The following CPED1 variants were observed in gnomAD, a reference collection of about 807,000 sequenced individuals.
CPED1 encodes cadherin like and PC-esterase domain containing 1, also known as cadherin-like and PC-esterase domain-containing protein 1.
Under a neutral mutation model 128.2 loss-of-function variants are expected in CPED1, and 114 were observed. The observed-to-expected ratio is 0.89, with a 90% CI of 0.76 to 1.04. CPED1 has a LOEUF of 1.04. CPED1 is among the 50% of genes least tolerant of loss of function. The pLI, the probability that CPED1 is intolerant of heterozygous loss-of-function variation, is 0.00. For missense variants in CPED1, 1,211 were observed against 1,207.1 expected (o/e 1.00, Z -0.05); for synonymous variants, 462 against 426.7 (o/e 1.08, Z -1.02).
At chr7:121,286,904 C>T (rs1792590592) in intron 22 of CPED1, among the ~76,000 whole-genome samples, 2 of 152,072 alleles carry the variant, frequency 1.3e-5, no homozygotes, top group South Asian at 4.1e-4. Context: ...CTGAGGAGGC[C>T]TCAGGAAACT....
intron 16 of CPED1, among the ~76,000 whole-genome samples, chr7:121,229,014 TG>T (rs1348843606): frequency 6.6e-6 from 1 of 151,764 alleles, no homozygotes. Context: ...TGAAGACAAG[TG>T]GGTTAAAGGG....
intron 16 of CPED1, among the ~76,000 whole-genome samples, chr7:121,227,923 T>C (rs1409526888): frequency 6.6e-6 from 1 of 152,080 alleles, no homozygotes; most frequent in Non-Finnish European, 1.5e-5. Context: ...ATTTGCAAAA[T>C]ATTTTTGGAA....
At chr7:121,172,661 C>CATAGATAGATAGATAG (rs6150319) in intron 16 of CPED1, among the ~76,000 whole-genome samples, 23,582 of 145,050 alleles carry the variant, frequency 0.16, 2,242 homozygotes, top group East Asian at 0.31. Context: ...TGGATGGATA[C>CATAGATAGATAGATAG]ATAGATAGAT....
intron 2 of CPED1, among the ~76,000 whole-genome samples, chr7:121,012,932 T>A (rs1792198007): frequency 6.6e-6 from 1 of 152,232 alleles, no homozygotes; most frequent in Non-Finnish European, 1.5e-5. Context: ...GAAAAGAGGA[T>A]GGTATCTTTC....
chr7:121,148,086 ATTAG>A (rs1796066976), intron 16 of CPED1, among the ~76,000 whole-genome samples: 1 of 152,192 alleles, frequency 6.6e-6, no homozygotes, highest in Non-Finnish European at 1.5e-5. Context: ...ATAAAAACCT[ATTAG>A]TTTTCAAAGT....
rs17143170 is a variant in CPED1 at position 121,128,335 on chromosome 7, T to G, written c.1303-47T>G. The G allele has an allele frequency of 2.5e-3, 2,661 of 1,072,856 alleles. 41 individuals carry two copies. In the African/African-American group the frequency reaches 0.033, roughly 13 times the overall value. The allele number at this position is 1,072,856 out of a possible 1,614,324, so 66.5% of individuals were successfully genotyped here. On this transcript the variant is annotated intron_variant, in intron 10 of 22. Coordinates refer to ENST00000310396, the MANE Select transcript of CPED1 (RefSeq NM_024913.5). ...TGGGAGGTAATTGGGTTGAACATGG[T>G]TTGACTTTTTAACAATTGCTTAAGT...
At chr7:121,057,132 C>T (rs901337092) in intron 4 of CPED1, among the ~76,000 whole-genome samples, 9 of 152,144 alleles carry the variant, frequency 5.9e-5, no homozygotes, top group Non-Finnish European at 1.0e-4. Context: ...TGCACGCCAC[C>T]AGACTCAGCT....
At chr7:121,083,324 A>T (rs1451894708) in intron 5 of CPED1, among the ~76,000 whole-genome samples, 3 of 152,156 alleles carry the variant, frequency 2.0e-5, no homozygotes, top group Admixed American at 1.3e-4. Context: ...GGCCTCCAGA[A>T]TAATAGTGAC....
chr7:121,046,042 T>C (rs1006755907), intron 3 of CPED1, among the ~76,000 whole-genome samples: 1 of 151,904 alleles, frequency 6.6e-6, no homozygotes, highest in Admixed American at 6.6e-5. Flanking sequence ...TATGTAGATA[T>C]AGATATATAG....
intron 5 of CPED1, among the ~76,000 whole-genome samples, chr7:121,067,668 A>G (rs1793875068): frequency 6.6e-6 from 1 of 152,208 alleles, no homozygotes; most frequent in African/African-American, 2.4e-5. Flanking sequence ...TTCTAGTTCT[A>G]GATCCCTGAG....
At chr7:121,022,945 AATT>A (rs1191637299) in intron 3 of CPED1, among the ~76,000 whole-genome samples, 6 of 152,020 alleles carry the variant, frequency 3.9e-5, no homozygotes, top group Admixed American at 6.6e-5. Context: ...GACACCATCA[AATT>A]ATTATCTTTC....
At position 121,190,940 on chromosome 7, in the gene CPED1, G is replaced by A. The variant is rs575159762; in HGVS notation, c.2056-45774G>A. Among the ~76,000 whole-genome samples, 9 of 152,182 alleles carry A rather than the reference G, an allele frequency of 5.9e-5. No homozygotes were observed. In the East Asian group the frequency reaches 7.7e-4, roughly 13 times the overall value. ...ACAAATTATTTTACAAAAGTCGCAC[G>A]CATACAAATCAGATTTTCCCCATCC... is the stretch of plus-strand genomic sequence containing the variant. On this transcript the variant is annotated intron_variant, in intron 16 of 22. Coordinates refer to ENST00000310396, the MANE Select transcript of CPED1 (RefSeq NM_024913.5).
intron 16 of CPED1, among the ~76,000 whole-genome samples, chr7:121,230,432 T>A (rs1798109483): frequency 6.6e-6 from 1 of 152,036 alleles, no homozygotes; most frequent in Non-Finnish European, 1.5e-5. Context: ...ACCTGACTAA[T>A]AGTAGCTTAA....
At chr7:121,024,337 C>T (rs988614746) in intron 3 of CPED1, among the ~76,000 whole-genome samples, 10 of 152,236 alleles carry the variant, frequency 6.6e-5, no homozygotes, top group Admixed American at 2.0e-4. Context: ...CTTTACCCTT[C>T]GCTGTGCACA....
At chr7:121,293,508 G>C (rs1321495302) in intron 22 of CPED1, among the ~76,000 whole-genome samples, 1 of 152,124 alleles carries the variant, frequency 6.6e-6, no homozygotes. Flanking sequence ...TTCCAAGGGA[G>C]TGAACAGTTC....
intron 22 of CPED1, among the ~76,000 whole-genome samples, chr7:121,294,531 A>G (rs1303979748): frequency 3.3e-5 from 5 of 152,150 alleles, no homozygotes; most frequent in African/African-American, 1.2e-4. Flanking sequence ...CTCAGGTGGC[A>G]GCAAAACAAA....
At chr7:121,116,962 CTATA>C (rs1303377039) in intron 7 of CPED1, among the ~76,000 whole-genome samples, 1,386 of 44,528 alleles carry the variant, frequency 0.031, 20 homozygotes, top group Admixed American at 0.047. Context: ...CTCTCTCTCT[CTATA>C]TATATATATA....
chr7:121,183,614 C>T lies in CPED1; in HGVS notation c.2055+41473C>T, dbSNP rs150166692. Among the ~76,000 whole-genome samples the T allele has an allele frequency of 3.5e-3, 532 of 152,160 alleles. 3 individuals are homozygous for T. Among genetic ancestry groups the T allele is most frequent in the Middle Eastern group, 0.01 (3 of 294 alleles). The stretch of plus-strand genomic sequence containing the variant: ...GGATGAATAGCTATAGCAAACTGTT[C>T]AAATAAATGTTTAGATTATGTGAAA... On this transcript the variant is annotated intron_variant, in intron 16 of 22. Transcript: ENST00000310396.
At chr7:121,116,960 C>CTA (rs1563031814) in intron 7 of CPED1, among the ~76,000 whole-genome samples, 1 of 82,292 alleles carries the variant, frequency 1.2e-5, no homozygotes, top group African/African-American at 3.8e-5. Context: ...CTCTCTCTCT[C>CTA]TCTATATATA....
Sources: allele counts gnomAD v4.1 joint callset (sites outside exome capture counted in the v4.1 genomes callset), GRCh38; gene constraint gnomAD v4.1.1; transcripts MANE v1.5; gene names NCBI Gene and HGNC (gene_info 2026-07-23, HGNC 2026-07-21).